SLC9A6: variants seen among roughly 807,000 people sequenced by gnomAD.
The protein encoded by SLC9A6 is solute carrier family 9 member A6.
In SLC9A6, 6 loss-of-function variants were observed where a neutral mutation model predicts 45.3. The observed-to-expected ratio is 0.13, with a 90% CI of 0.07 to 0.26. SLC9A6 has a LOEUF of 0.26. Ranked by LOEUF, SLC9A6 falls within the 10% of genes least tolerant of loss-of-function variation. The probability of loss-of-function intolerance (pLI) is 1.00; values close to 1 mark genes in which losing one functional copy is unlikely to be tolerated. For synonymous variants in SLC9A6, 191 were observed against 187.7 expected, an observed-to-expected ratio of 1.02 and a Z score of -0.14; for missense variants, 278 against 503.7, an observed-to-expected ratio of 0.55 and a Z score of 4.29.
intron 10 of SLC9A6, among the ~76,000 whole-genome samples, chrX:136,014,622 G>T (rs983592646): frequency 5.3e-5 from 6 of 112,689 alleles, no homozygotes; most frequent in African/African-American, 1.9e-4. Flanking sequence ...AAAATTAGCC[G>T]GATGTAGTGG....
chrX:136,039,462 A>G (rs1556622213), intron 16 of SLC9A6, among the ~76,000 whole-genome samples: 1 of 110,795 alleles, frequency 9.0e-6, no homozygotes, highest in African/African-American at 3.3e-5. Flanking sequence ...ATGAGGGCCT[A>G]TGATAAAGGG....
At chrX:136,023,177 A>G (rs868969739) in intron 12 of SLC9A6, among the ~76,000 whole-genome samples, 26 of 9,934 alleles carry the variant, frequency 2.6e-3, no homozygotes, top group South Asian at 0.011. Flanking sequence ...ATATATATAT[A>G]TATATATATA....
intron 15 of SLC9A6, among the ~76,000 whole-genome samples, chrX:136,032,039 CTG>C (rs1227812189): frequency 8.9e-6 from 1 of 112,295 alleles, no homozygotes; most frequent in Admixed American, 9.4e-5. Flanking sequence ...AATCTAAACT[CTG>C]TGCTTGCTTG....
At chrX:136,024,535 T>A in intron 13 of SLC9A6, 52 bp downstream of exon 13, 1 of 1,063,487 alleles carries the variant, frequency 9.4e-7, no homozygotes, top group Non-Finnish European at 1.3e-6. Flanking sequence ...ATTTGGTTTA[T>A]TTTTCTGCCT....
intron 16 of SLC9A6, among the ~76,000 whole-genome samples, chrX:136,038,662 T>A (rs2071452466): frequency 9.0e-6 from 1 of 111,152 alleles, no homozygotes; most frequent in South Asian, 3.8e-4. Flanking sequence ...GTGAAGCCAT[T>A]TGAGCCTGGA....
At position 136,045,616 on chromosome X, in the gene SLC9A6, T is replaced by G; in HGVS notation, c.*892T>G. The G allele has an allele frequency of 8.9e-6, 1 of 112,666 alleles. No individual in the cohort carries two copies. Among genetic ancestry groups the G allele is most frequent in the Admixed American group, 9.5e-5 (1 of 10,565 alleles). 9.3% of individuals were successfully genotyped at this position (112,666 alleles called of 1,213,427 possible). A position where few individuals can be genotyped will look rare whatever the true frequency, so the allele number is the denominator to read the frequency against. On this transcript the variant is annotated 3_prime_UTR_variant, in exon 18 of 18. Transcript: ENST00000630721. Reference sequence around the variant, plus strand: ...AATAAGAAATTTAATTGCTGCTTAATTTTTGATTATGTACTTTATCTGTAT... The same window carrying G: ...AATAAGAAATTTAATTGCTGCTTAAGTTTTGATTATGTACTTTATCTGTAT...
intron 16 of SLC9A6, among the ~76,000 whole-genome samples, chrX:136,034,128 G>A (rs2071374742): frequency 9.1e-6 from 1 of 109,346 alleles, no homozygotes; most frequent in African/African-American, 3.3e-5. Flanking sequence ...CTCCCGGGCC[G>A]CGGACCAGTA....
rs185636600 is a variant in SLC9A6 at position 136,004,678 on chromosome X, T to G, written c.743+2465T>G. The stretch of plus-strand genomic sequence containing the variant: ...ATACAAAAGGCCATATCCTTTTTTG[T>G]GAATGCAATGTATGTAAATATTACC... On this transcript the variant is annotated intron_variant, in intron 7 of 17. Coordinates refer to ENST00000630721, the MANE Select transcript of SLC9A6 (RefSeq NM_001379110.1). Among the ~76,000 whole-genome samples the G allele has an allele frequency of 8.9e-3, 1,000 of 111,920 alleles. 9 individuals carry two copies. The highest frequency in any genetic ancestry group is 0.011 in the Non-Finnish European group (570 of 53,192).
Position 135,998,876 on chromosome X carries a change from T to A in SLC9A6, c.545T>A (p.Val182Glu). 8.3e-7 allele frequency: 1 copy of A among 1,204,036 alleles called. No individual in the cohort carries two copies. Among genetic ancestry groups the A allele is most frequent in the Non-Finnish European group, 1.1e-6 (1 of 888,359 alleles). ...AACAGGTCAATAATGTATGGCTGTG[T>A]AACGCTGATGAAGGTAACGGGACAA... ...FVIGSIMYGC[V>E]TLMKVTGQLA... is the part of the protein sequence containing the mutation. The change falls in exon 6 of 18, where the codon GTA (valine) becomes GAA (glutamate). Residue 182 changes from valine (V) to glutamate (E), a missense_variant. Coordinates refer to ENST00000630721, the MANE Select transcript of SLC9A6 (RefSeq NM_001379110.1).
At chrX:136,001,097 A>G (rs1391112188) in intron 6 of SLC9A6, among the ~76,000 whole-genome samples, 1 of 111,000 alleles carries the variant, frequency 9.0e-6, no homozygotes, top group East Asian at 2.8e-4. Flanking sequence ...GCCCTTTGGG[A>G]GGCTGAGACA....
chrX:136,020,527 C>T (rs782116487), intron 11 of SLC9A6, among the ~76,000 whole-genome samples: 34 of 110,613 alleles, frequency 3.1e-4, no homozygotes, highest in African/African-American at 8.2e-4. Context: ...TGCGCCACCA[C>T]GCCCGGCTAA....
intron 8 of SLC9A6, among the ~76,000 whole-genome samples, chrX:136,011,720 C>T (rs782672342): frequency 1.4e-4 from 16 of 111,735 alleles, no homozygotes; most frequent in Non-Finnish European, 2.1e-4. Flanking sequence ...GACACTTCAC[C>T]TCTTTGGATC....
intron 15 of SLC9A6, among the ~76,000 whole-genome samples, chrX:136,032,319 G>A (rs981422824): frequency 2.7e-5 from 3 of 112,221 alleles, no homozygotes; most frequent in African/African-American, 6.5e-5. Context: ...TGATATACCC[G>A]CCTTGGCTTC....
chrX:135,989,017 A>T (rs903494407), intron 2 of SLC9A6, among the ~76,000 whole-genome samples: 1 of 110,984 alleles, frequency 9.0e-6, no homozygotes, highest in Non-Finnish European at 1.9e-5. Flanking sequence ...ATATTATTTT[A>T]AAACCTTTAT....
Position 136,040,148 on chromosome X carries a change from C to T in SLC9A6, c.1734C>T (p.Ile578=), listed in dbSNP as rs375760367. 16 of 1,208,730 alleles carry T rather than the reference C, an allele frequency of 1.3e-5. No individual in the cohort carries two copies. Among genetic ancestry groups the T allele is most frequent in the African/African-American group, 1.0e-4 (6 of 57,309 alleles). Residue 578 remains isoleucine (I), a synonymous_variant, in exon 17 of 18, where the codon ATC becomes ATT. Transcript: ENST00000630721. ...CACTCCCTGCCTGCTGTGGACCCAT[C>T]GCCAGGTGCCTCACCAGCCCCCAGG... ...TTTLPACCGP[I]ARCLTSPQAY... is the part of the protein sequence containing the mutation.
At chrX:135,974,867 G>A (rs1012187836) in intron 1 of SLC9A6, 3 of 263,110 alleles carry the variant, frequency 1.1e-5, no homozygotes, top group Non-Finnish European at 1.5e-5. Flanking sequence ...CATTAAGGAA[G>A]AAATGAAAGA....
At chrX:135,980,404 A>C (rs1237001766), upstream of SLC9A6, among the ~76,000 whole-genome samples, 1 of 109,670 alleles carries the variant, frequency 9.1e-6, no homozygotes, top group Non-Finnish European at 1.9e-5. Flanking sequence ...GACTGTGTTG[A>C]CTAAACTTAT....
chrX:136,006,310 T>TC (rs1222786884), intron 7 of SLC9A6, among the ~76,000 whole-genome samples: 1 of 109,998 alleles, frequency 9.1e-6, no homozygotes, highest in East Asian at 2.8e-4. Flanking sequence ...TTTTTTTTTT[T>TC]CCCAACTTTT....
chrX:136,038,643 G>A (rs1556622060), intron 16 of SLC9A6, among the ~76,000 whole-genome samples: 1 of 109,808 alleles, frequency 9.1e-6, no homozygotes, highest in Non-Finnish European at 1.9e-5. Flanking sequence ...TGTTAGGAAA[G>A]TTTTACCAGT....
Sources: allele counts gnomAD v4.1 joint callset (sites outside exome capture counted in the v4.1 genomes callset), GRCh38; gene constraint gnomAD v4.1.1; transcripts MANE v1.5; gene names NCBI Gene and HGNC (gene_info 2026-07-23, HGNC 2026-07-21).